PAPSS2: variants seen among roughly 807,000 people sequenced by gnomAD.
The protein encoded by PAPSS2 is 3'-phosphoadenosine 5'-phosphosulfate synthase 2.
Under a neutral mutation model 66.5 loss-of-function variants are expected in PAPSS2, and 61 were observed. The ratio of observed to expected loss-of-function variants is 0.92; its 90% CI spans 0.75 to 1.14. The LOEUF is 1.14. Ranked by LOEUF, PAPSS2 falls within the 50% of genes most tolerant of loss-of-function variation. The probability of loss-of-function intolerance (pLI) is 0.00; values close to 1 mark genes in which losing one functional copy is unlikely to be tolerated. For synonymous variants in PAPSS2, 289 were observed against 287.5 expected, an observed-to-expected ratio of 1.01 and a Z score of -0.05; for missense variants, 708 against 789.6, an observed-to-expected ratio of 0.90 and a Z score of 1.24.
intron 1 of PAPSS2, among the ~76,000 whole-genome samples, chr10:87,678,844 G>A (rs908407037): frequency 2.6e-5 from 4 of 152,164 alleles, no homozygotes; most frequent in Non-Finnish European, 5.9e-5. Flanking sequence ...ATGTAAATTA[G>A]TAAAGCCACT....
rs761696157 is a variant in PAPSS2, at chr10:87,713,092, A to G, written c.163A>G (p.Lys55Glu). The G allele has an allele frequency of 6.2e-7, 1 of 1,612,006 alleles. No individual in the cohort carries two copies. Among genetic ancestry groups the G allele is most frequent in the South Asian group, 1.1e-5 (1 of 91,028 alleles). ...CTGAACAGGTCTCTCTGGTGCTGGA[A>G]AAACAACGATAAGTTTTGCCCTGGA... ...VWLTGLSGAG[K>E]TTISFALEEY... The change falls in exon 3 of 13, where the codon AAA becomes GAA. Residue 55 changes from lysine (K) to glutamate (E), a missense_variant. Physicochemically the swap from Lys to Glu is moderately conservative, Grantham distance 56. Coordinates refer to ENST00000456849, the MANE Select transcript of PAPSS2 (RefSeq NM_001015880.2).
chr10:87,744,515 T>TG (rs1239097941), intron 11 of PAPSS2, among the ~76,000 whole-genome samples: 1 of 152,226 alleles, frequency 6.6e-6, no homozygotes, highest in Non-Finnish European at 1.5e-5. Flanking sequence ...CTAGCTCTCC[T>TG]TTCCATCCTT....
chr10:87,734,663 G>GTGTA (rs1491455056), intron 9 of PAPSS2, among the ~76,000 whole-genome samples: 159 of 81,038 alleles, frequency 2.0e-3, no homozygotes, highest in Non-Finnish European at 2.5e-3. Flanking sequence ...GAATGTGTGT[G>GTGTA]TATATATATA....
chr10:87,701,430 C>CTT (rs1554864252), intron 1 of PAPSS2, among the ~76,000 whole-genome samples: 988 of 71,994 alleles, frequency 0.014, 111 homozygotes, highest in African/African-American at 0.047. Flanking sequence ...CTCTCTCTCT[C>CTT]TCTTTCTTTC....
chr10:87,745,314 T>C (rs1389611970), intron 12 of PAPSS2, 83 bp downstream of exon 12: 2 of 1,061,430 alleles, frequency 1.9e-6, no homozygotes, highest in African/African-American at 3.1e-5. Context: ...TGAAAAACTC[T>C]CCAGTGCATT....
intron 9 of PAPSS2, among the ~76,000 whole-genome samples, chr10:87,738,318 T>A (rs1010633196): frequency 3.9e-5 from 6 of 152,230 alleles, no homozygotes; most frequent in African/African-American, 1.4e-4. Context: ...TGGTTGCACC[T>A]TTTACAATCC....
At chr10:87,737,485 C>T (rs1853814859) in intron 9 of PAPSS2, among the ~76,000 whole-genome samples, 1 of 152,056 alleles carries the variant, frequency 6.6e-6, no homozygotes. Flanking sequence ...ACCAAATCTC[C>T]AGAACTTTGT....
chr10:87,743,970 C>G (rs1400927730), intron 11 of PAPSS2, among the ~76,000 whole-genome samples: 2 of 152,110 alleles, frequency 1.3e-5, no homozygotes, highest in African/African-American at 4.8e-5. Context: ...GGCATAGTGG[C>G]ATGCCCCTGT....
Position 87,715,174 on chromosome 10 carries a change from A to G in PAPSS2, c.753+76A>G, listed in dbSNP as rs147166520. 1.9e-4 allele frequency: 158 copies of G among 813,424 alleles called. No homozygotes were observed. The African/African-American group carries it at 2.1e-3, about 11-fold the overall frequency. 50.4% of individuals were successfully genotyped at this position (813,424 alleles called of 1,614,324 possible). ...AATTTATTTACAATTACTCTTAACA[A>G]TAAGAAAAGTATAAATAAGGTGCAC... is the stretch of plus-strand genomic sequence containing the variant. On this transcript the variant is annotated intron_variant, in intron 6 of 12. Coordinates refer to ENST00000456849, the MANE Select transcript of PAPSS2 (RefSeq NM_001015880.2).
chr10:87,712,649 G>A (rs1157017210), intron 2 of PAPSS2, among the ~76,000 whole-genome samples: 1 of 151,952 alleles, frequency 6.6e-6, no homozygotes, highest in East Asian at 1.9e-4. Flanking sequence ...TAGATGCAGG[G>A]CCTCACTATG....
At chr10:87,692,823 C>A (rs745542283) in intron 1 of PAPSS2, among the ~76,000 whole-genome samples, 1 of 152,116 alleles carries the variant, frequency 6.6e-6, no homozygotes, top group Admixed American at 6.5e-5. Flanking sequence ...GGGTAGCCCG[C>A]GAGGTTGAGT....
At chr10:87,726,117 C>T (rs931466598) in intron 8 of PAPSS2, among the ~76,000 whole-genome samples, 1 of 152,114 alleles carries the variant, frequency 6.6e-6, no homozygotes, top group Non-Finnish European at 1.5e-5. Context: ...TTTGATAGCA[C>T]AACAGGATGA....
In PAPSS2 at chr10:87,746,145, A is replaced by C; in HGVS notation, c.*175A>C. 2.1e-6 allele frequency: 1 copy of C among 484,986 alleles called. No individual in the cohort carries two copies. The highest frequency in any genetic ancestry group is 3.7e-5 in the Admixed American group (1 of 27,036). The allele number at this position is 484,986 out of a possible 1,614,324, so 30.0% of individuals were successfully genotyped here. ...TATATATATACACACACACATATAC[A>C]TACAAAGTCAAACTGAAGACCAAAT... On this transcript the variant is annotated 3_prime_UTR_variant, in exon 13 of 13. Transcript: ENST00000456849.
chr10:87,744,711 T>C (rs1853914362), intron 11 of PAPSS2, among the ~76,000 whole-genome samples: 1 of 152,194 alleles, frequency 6.6e-6, no homozygotes. Flanking sequence ...CATAGTTCTG[T>C]AGAATAGTAA....
intron 1 of PAPSS2, among the ~76,000 whole-genome samples, chr10:87,665,253 C>T (rs1359304826): frequency 1.3e-5 from 2 of 152,032 alleles, no homozygotes; most frequent in African/African-American, 2.4e-5. Context: ...GCACTGTCAC[C>T]CAGGCTGGAG....
chr10:87,725,696 GGTTTT>G (rs1412903124), intron 8 of PAPSS2, among the ~76,000 whole-genome samples: 1 of 151,858 alleles, frequency 6.6e-6, no homozygotes, highest in Non-Finnish European at 1.5e-5. Flanking sequence ...TAGATTAGTG[GGTTTT>G]GTTTTGTTTT....
At chr10:87,698,886 C>G (rs1191767830) in intron 1 of PAPSS2, among the ~76,000 whole-genome samples, 1 of 152,144 alleles carries the variant, frequency 6.6e-6, no homozygotes, top group African/African-American at 2.4e-5. Context: ...AATAAAACCC[C>G]TATGTTATGA....
At chr10:87,686,866 A>T (rs1589424307) in intron 1 of PAPSS2, among the ~76,000 whole-genome samples, 1 of 152,200 alleles carries the variant, frequency 6.6e-6, no homozygotes, top group Admixed American at 6.5e-5. Flanking sequence ...CATCTTCAGG[A>T]TTCCCATGGC....
At chr10:87,698,653 T>G (rs898841674) in intron 1 of PAPSS2, among the ~76,000 whole-genome samples, 5 of 152,226 alleles carry the variant, frequency 3.3e-5, no homozygotes, top group South Asian at 4.1e-4. Context: ...CATGATCTAT[T>G]GTTGGCTCCC....
Sources: allele counts gnomAD v4.1 joint callset (sites outside exome capture counted in the v4.1 genomes callset), GRCh38; gene constraint gnomAD v4.1.1; transcripts MANE v1.5; gene names NCBI Gene and HGNC (gene_info 2026-07-23, HGNC 2026-07-21).